The following PARP8 variants were observed in gnomAD, a reference collection of about 807,000 sequenced individuals.
The protein encoded by PARP8 is poly(ADP-ribose) polymerase family member 8.
PARP8 carries 51 observed loss-of-function variants against 124.1 expected under a neutral mutation model. That is an observed-to-expected ratio of 0.41 (90% confidence interval 0.33 to 0.52). The LOEUF (loss-of-function observed/expected upper bound fraction) is 0.52, where lower values mean the gene tolerates loss of function less well. PARP8 is among the 20% of genes least tolerant of loss of function. The pLI, the probability that PARP8 is intolerant of heterozygous loss-of-function variation, is 0.21. For missense variants in PARP8, 860 were observed against 1,018.9 expected, an observed-to-expected ratio of 0.84 and a Z score of 2.12; for synonymous variants, 391 against 361.5, an observed-to-expected ratio of 1.08 and a Z score of -0.93.
At chr5:50,747,722 A>G (rs1460772384) in intron 2 of PARP8, among the ~76,000 whole-genome samples, 3 of 129,134 alleles carry the variant, frequency 2.3e-5, no homozygotes, top group African/African-American at 8.7e-5. Context: ...ATGTGTCTCT[A>G]TATTTAATAT....
intron 15 of PARP8, among the ~76,000 whole-genome samples, chr5:50,818,988 C>G (rs1344244355): frequency 1.3e-5 from 2 of 152,156 alleles, no homozygotes; most frequent in Non-Finnish European, 2.9e-5. Flanking sequence ...GGAAGACATA[C>G]CTTTCTTTGC....
chr5:50,751,039 A>G (rs1477627208), intron 3 of PARP8, among the ~76,000 whole-genome samples: 4 of 152,172 alleles, frequency 2.6e-5, no homozygotes, highest in Non-Finnish European at 5.9e-5. Flanking sequence ...TGTAAATACA[A>G]AAATTAATGT....
chr5:50,794,349 T>C lies in PARP8; in HGVS notation c.863+17T>C. On this transcript the variant is annotated intron_variant, in intron 11 of 25. Coordinates refer to ENST00000281631, the MANE Select transcript of PARP8 (RefSeq NM_024615.4). ...TTTGCGCAGGTTGGTAACAGGCAAC[T>C]TCGTCATTGTCTTACTGAATGCTGA... 6.2e-7 allele frequency: 1 copy of C among 1,611,308 alleles called. No homozygotes were observed. The highest frequency in any genetic ancestry group is 1.1e-5 in the South Asian group (1 of 90,740).
At chr5:50,758,237 A>C (rs1760175440) in intron 3 of PARP8, among the ~76,000 whole-genome samples, 1 of 152,148 alleles carries the variant, frequency 6.6e-6, no homozygotes, top group Non-Finnish European at 1.5e-5. Context: ...TAAGCATGAA[A>C]ACCTCACATG....
At position 50,815,525 on chromosome 5, in the gene PARP8, G is replaced by A; in HGVS notation, c.1668+1G>A. On this transcript the variant is annotated splice_donor_variant, in intron 15 of 25. Transcript: ENST00000281631. LOFTEE classifies it high-confidence loss of function. The stretch of plus-strand genomic sequence containing the variant: ...TGATGAAATAGCAACTGGAGCTCAG[G>A]TAGTAACACAGGATACTAATTATTT... 1 of 1,581,034 alleles carries A rather than the reference G, an allele frequency of 6.3e-7. No homozygotes were observed. Among genetic ancestry groups the A allele is most frequent in the Non-Finnish European group, 8.6e-7 (1 of 1,165,346 alleles).
intron 7 of PARP8, among the ~76,000 whole-genome samples, chr5:50,770,737 G>A (rs972575328): frequency 1.1e-4 from 17 of 151,930 alleles, no homozygotes; most frequent in Non-Finnish European, 2.2e-4. Context: ...AGGAAAGAAA[G>A]AGAAAGAAAA....
chr5:50,772,352 C>G (rs1561357555), intron 7 of PARP8, among the ~76,000 whole-genome samples: 1 of 152,180 alleles, frequency 6.6e-6, no homozygotes, highest in Non-Finnish European at 1.5e-5. Flanking sequence ...ATTTCATTTC[C>G]TTTGGTTAAA....
intron 2 of PARP8, among the ~76,000 whole-genome samples, chr5:50,695,004 GC>G (rs1468040699): frequency 6.6e-6 from 1 of 152,184 alleles, no homozygotes; most frequent in Non-Finnish European, 1.5e-5. Flanking sequence ...CTTTGTTCTA[GC>G]CGTGCTGGTA....
At chr5:50,721,310 T>A (rs1755854645) in intron 2 of PARP8, among the ~76,000 whole-genome samples, 1 of 152,208 alleles carries the variant, frequency 6.6e-6, no homozygotes, top group South Asian at 2.1e-4. Flanking sequence ...TGCAGGAGAC[T>A]ACAATTTCAT....
chr5:50,819,354 T>A (rs1745475934), intron 15 of PARP8, among the ~76,000 whole-genome samples: 1 of 151,600 alleles, frequency 6.6e-6, no homozygotes, highest in Non-Finnish European at 1.5e-5. Flanking sequence ...TTTTAAAGGG[T>A]TTTAGTGAGA....
At chr5:50,834,837 T>C (rs1188420037) in intron 24 of PARP8, 94 bp from the exon 25 acceptor site, 1 of 1,075,584 alleles carries the variant, frequency 9.3e-7, no homozygotes. Context: ...GTATTTTTGC[T>C]TTAGATTTCA....
chr5:50,801,473 A>G (rs1026088675), intron 14 of PARP8, among the ~76,000 whole-genome samples: 1 of 152,164 alleles, frequency 6.6e-6, no homozygotes, highest in African/African-American at 2.4e-5. Context: ...TTTGTCTCAG[A>G]TGTCAAATTT....
intron 23 of PARP8, chr5:50,833,559 C>T (rs1197533834): frequency 9.5e-6 from 3 of 316,764 alleles, no homozygotes; most frequent in African/African-American, 6.7e-5. Context: ...TTTCTGTAAC[C>T]TCCGTGACCT....
In PARP8 at chr5:50,835,028, G is replaced by T. The variant is rs759585530; in HGVS notation, c.2462+13G>T. ...GATTCTTTTTCGTGTAAGTGGAAAT[G>T]CTCAAATTTGTATATTACTGTCTTT... is the stretch of plus-strand genomic sequence containing the variant. On this transcript the variant is annotated intron_variant, in intron 25 of 25. Coordinates refer to ENST00000281631, the MANE Select transcript of PARP8 (RefSeq NM_024615.4). The T allele has an allele frequency of 3.7e-6, 6 of 1,606,702 alleles. No homozygotes were observed. The East Asian group carries it at 9.0e-5, about 24-fold the overall frequency.
rs111231278 is a variant in PARP8 at position 50,765,065 on chromosome 5, C to T, written c.518+1823C>T. 9.1e-4 allele frequency among the ~76,000 whole-genome samples: 138 copies of T among 151,800 alleles called. 1 individual carries two copies. The highest frequency in any genetic ancestry group is 3.2e-3 in the African/African-American group (133 of 41,408). On this transcript the variant is annotated intron_variant, in intron 7 of 25. Coordinates refer to ENST00000281631, the MANE Select transcript of PARP8 (RefSeq NM_024615.4). ...TCCCCTGAGGTTGGGAGTTTGAGAC[C>T]AGCCTGCCCAACATGGAGAAACCCC... is the stretch of plus-strand genomic sequence containing the variant.
At chr5:50,690,114 A>G (rs908551985) in intron 2 of PARP8, among the ~76,000 whole-genome samples, 3 of 152,172 alleles carry the variant, frequency 2.0e-5, no homozygotes, top group African/African-American at 7.2e-5. Context: ...TTTTGGTTTG[A>G]GCCTTAGGTG....
chr5:50,667,943 G>T (rs1579876753), intron 1 of PARP8, 128 bp from the exon 2 acceptor site: 2 of 1,561,132 alleles, frequency 1.3e-6, no homozygotes, highest in East Asian at 2.3e-5. Context: ...GGACCTCGCC[G>T]CCCTCTAGCC....
chr5:50,667,992 G>A lies in PARP8; in HGVS notation c.92-79G>A, dbSNP rs371781032. Reference sequence around the variant, plus strand: ...CGGCCAGGCCTCCCCTGACACCACCGAATGTGGGGCTCAAGTCCTGATCGG... The same window carrying A: ...CGGCCAGGCCTCCCCTGACACCACCAAATGTGGGGCTCAAGTCCTGATCGG... On this transcript the variant is annotated intron_variant, in intron 1 of 25. Coordinates refer to ENST00000281631, the MANE Select transcript of PARP8 (RefSeq NM_024615.4). 532 of 1,604,788 alleles carry A rather than the reference G, an allele frequency of 3.3e-4. 5 individuals carry two copies. The East Asian group carries it at 9.6e-3, about 29-fold the overall frequency.
In PARP8 at chr5:50,795,422, G is replaced by A. The variant is rs1332217325; in HGVS notation, c.1428+5G>A. On this transcript the variant is annotated splice_donor_5th_base_variant and intron_variant, in intron 12 of 25. Transcript: ENST00000281631. ...TCTTCATCTTCTCAGCTTGCTGTGC[G>A]TAAATATTTTCATCTTGAGTTCTTA... is the stretch of plus-strand genomic sequence containing the variant. 7.7e-6 allele frequency: 12 copies of A among 1,563,586 alleles called. No individual in the cohort carries two copies. The highest frequency in any genetic ancestry group is 4.1e-5 in the Admixed American group (2 of 48,348).
Sources: allele counts gnomAD v4.1 joint callset (sites outside exome capture counted in the v4.1 genomes callset), GRCh38; gene constraint gnomAD v4.1.1; transcripts MANE v1.5; gene names NCBI Gene and HGNC (gene_info 2026-07-23, HGNC 2026-07-21).